Variants in TMEM109 observed in about 807,000 individuals in gnomAD.
TMEM109 encodes the protein transmembrane protein 109, also known as voltage-gated monoatomic cation channel TMEM109.
Under a neutral mutation model 26.4 loss-of-function variants are expected in TMEM109, and 19 were observed. That is an observed-to-expected ratio of 0.72 (90% CI 0.50 to 1.06). The LOEUF (loss-of-function observed/expected upper bound fraction) is 1.06. TMEM109 is among the 50% of genes least tolerant of loss of function. The pLI is 0.00. For missense variants in TMEM109, 262 were observed against 303.4 expected (o/e 0.86, Z 1.01); for synonymous variants, 129 against 142.0 (o/e 0.91, Z 0.65).
chr11:60,915,594 G>C (rs1444337038), intron 1 of TMEM109, among the ~76,000 whole-genome samples: 5 of 152,224 alleles, frequency 3.3e-5, no homozygotes, highest in Non-Finnish European at 7.3e-5. Context: ...CCAAAGTTGA[G>C]AACCGCCGCT....
At position 60,916,705 on chromosome 11, in the gene TMEM109, G is replaced by A. The variant is rs958506654; in HGVS notation, c.-9+2437G>A. ...ACTTCAGAACATCAGTCTGCATAAC[G>A]ATGCCAGCCTCACTGCAGAGGGCTT... On this transcript the variant is annotated intron_variant, in intron 1 of 3. Coordinates refer to ENST00000227525, the MANE Select transcript of TMEM109 (RefSeq NM_024092.3). Among the ~76,000 whole-genome samples the A allele has an allele frequency of 7.9e-5, 12 of 152,308 alleles. 1 individual carries two copies. The Middle Eastern group carries it at 0.01, about 130-fold the overall frequency.
Position 60,922,125 on chromosome 11 carries a change from G to C in TMEM109, c.692G>C (p.Arg231Thr). The C allele has an allele frequency of 6.2e-7, 1 of 1,609,608 alleles. No individual in the cohort carries two copies. Among genetic ancestry groups the C allele is most frequent in the Non-Finnish European group, 8.5e-7 (1 of 1,178,280 alleles). Residue 231 changes from arginine to threonine, a missense_variant, in exon 4 of 4, where the codon AGG (arginine) becomes ACG (threonine). Transcript: ENST00000227525. ...GTGGAGGAGCTGCGCTGGCGCCAGAGGCGAGCGGCCAAGGGGGCCCGCAGT... is the reference window on the plus strand; with the variant it reads ...GTGGAGGAGCTGCGCTGGCGCCAGACGCGAGCGGCCAAGGGGGCCCGCAGT... ...RQVEELRWRQ[R>T]RAAKGARSVE...
At chr11:60,919,568 C>T in intron 1 of TMEM109, 118 bp from the exon 2 acceptor site, 2 of 816,076 alleles carry the variant, frequency 2.5e-6, no homozygotes, top group East Asian at 2.5e-5. Flanking sequence ...ACTTTCTTTC[C>T]AGGGTTAGTT....
chr11:60,921,721 T>C, intron 3 of TMEM109, 53 bp from the exon 4 acceptor site: 1 of 1,450,832 alleles, frequency 6.9e-7, no homozygotes, highest in East Asian at 2.3e-5. Flanking sequence ...TGCCCCGCTC[T>C]CCCCTCACCA....
In TMEM109 at chr11:60,919,677, T is replaced by C; in HGVS notation, c.-8-9T>C. 1 of 1,611,464 alleles carries C rather than the reference T, an allele frequency of 6.2e-7. No homozygotes were observed. On this transcript the variant is annotated splice_polypyrimidine_tract_variant and intron_variant, in intron 1 of 3. Transcript: ENST00000227525. Reference sequence around the variant, plus strand: ...TGGCACTCAGCTCACTGTGCTTCTCTCCTGGCAGACCCAGTCATGGCAGCC... The same window carrying C: ...TGGCACTCAGCTCACTGTGCTTCTCCCCTGGCAGACCCAGTCATGGCAGCC...
In TMEM109 at chr11:60,921,037, C is replaced by A. The variant is rs367872829; in HGVS notation, c.340+49C>A. The A allele has an allele frequency of 1.6e-5, 24 of 1,512,240 alleles. No individual in the cohort carries two copies. The African/African-American group carries it at 3.3e-4, about 21-fold the overall frequency. The allele number at this position is 1,512,240 out of a possible 1,614,324, so 93.7% of individuals were successfully genotyped here. On this transcript the variant is annotated intron_variant, in intron 3 of 3. Coordinates refer to ENST00000227525, the MANE Select transcript of TMEM109 (RefSeq NM_024092.3). ...TCAGCCAGAGCTTTGCCTGTACTTT[C>A]CTACTTGTGGGAGTTCATCTTTGTC...
At position 60,922,343 on chromosome 11, in the gene TMEM109, G is replaced by A; in HGVS notation, c.*178G>A. On this transcript the variant is annotated 3_prime_UTR_variant, in exon 4 of 4. Transcript: ENST00000227525. ...CAGAGAAAGACCATTCCCCCTGCCT[G>A]TCCTTGCGGCCCTGTCTTCTGAGGT... 3 of 1,535,312 alleles carry A rather than the reference G, an allele frequency of 2.0e-6. No homozygotes were observed. Among genetic ancestry groups the A allele is most frequent in the South Asian group, 2.4e-5 (2 of 83,208 alleles).
At position 60,919,058 on chromosome 11, in the gene TMEM109, A is replaced by G. The variant is rs188812274; in HGVS notation, c.-8-628A>G. ...AAATCCTGGCCTTTCTGTGTAGCCC[A>G]GTGACCATGGGAAAATGCTTAACTT... On this transcript the variant is annotated intron_variant, in intron 1 of 3. Transcript: ENST00000227525. 3.8e-3 allele frequency: 589 copies of G among 154,278 alleles called. 3 individuals carry two copies. The highest frequency in any genetic ancestry group is 0.014 in the Middle Eastern group (4 of 296). 9.6% of individuals were successfully genotyped at this position (154,278 alleles called of 1,614,324 possible).
intron 2 of TMEM109, among the ~76,000 whole-genome samples, chr11:60,920,198 G>GT (rs1469271802): frequency 2.0e-5 from 3 of 152,174 alleles, no homozygotes; most frequent in African/African-American, 7.2e-5. Flanking sequence ...ATAAGCCCAT[G>GT]TTACTGGGTG....
chr11:60,915,570 G>T (rs1298432113), intron 1 of TMEM109, among the ~76,000 whole-genome samples: 1 of 152,252 alleles, frequency 6.6e-6, no homozygotes, highest in African/African-American at 2.4e-5. Flanking sequence ...TGCACAGGCA[G>T]TTCCGATGGG....
chr11:60,921,790 G>C lies in TMEM109; in HGVS notation c.357G>C (p.Gln119His). ...ALGLAGDYLAQGLKLSPGQVQ... is the reference protein window; with the variant it reads ...ALGLAGDYLAHGLKLSPGQVQ... ...GGCTTCCAGGTGATTACCTCGCCCA[G>C]GGCCTGAAGCTCAGCCCTGGCCAGG... Residue 119 changes from glutamine (Q) to histidine (H), a missense_variant, in exon 4 of 4, where the codon CAG becomes CAC. Transcript: ENST00000227525. The C allele has an allele frequency of 6.2e-7, 1 of 1,611,496 alleles. No individual in the cohort carries two copies. The highest frequency in any genetic ancestry group is 8.5e-7 in the Non-Finnish European group (1 of 1,179,412).
At chr11:60,920,265 T>A (rs145547486) in intron 2 of TMEM109, among the ~76,000 whole-genome samples, 162 of 152,296 alleles carry the variant, frequency 1.1e-3, no homozygotes, top group Non-Finnish European at 1.4e-3. Flanking sequence ...TGGCAAAATA[T>A]CAAGTCCTGA....
chr11:60,922,282 A>C lies in TMEM109; in HGVS notation c.*117A>C, dbSNP rs1019427989. ...TGCCCTGTCTCTGAACCTTCAGAACATTGATCCTTGCCGCAGCCCCACTAG... is the reference window on the plus strand; with the variant it reads ...TGCCCTGTCTCTGAACCTTCAGAACCTTGATCCTTGCCGCAGCCCCACTAG... On this transcript the variant is annotated 3_prime_UTR_variant, in exon 4 of 4. Transcript: ENST00000227525. 1.9e-6 allele frequency: 3 copies of C among 1,543,810 alleles called. No individual in the cohort carries two copies. The highest frequency in any genetic ancestry group is 2.6e-6 in the Non-Finnish European group (3 of 1,146,782).
At chr11:60,916,860 C>T (rs568847396) in intron 1 of TMEM109, among the ~76,000 whole-genome samples, 4 of 152,282 alleles carry the variant, frequency 2.6e-5, no homozygotes, top group Non-Finnish European at 4.4e-5. Flanking sequence ...GCTGAGGAAA[C>T]GATATTTGAT....
intron 1 of TMEM109, among the ~76,000 whole-genome samples, chr11:60,918,187 G>A (rs973084519): frequency 2.0e-5 from 3 of 152,198 alleles, no homozygotes; most frequent in Admixed American, 6.5e-5. Context: ...GCAAGACCTA[G>A]CTGAATGTTA....
chr11:60,917,195 T>C (rs1161901371), intron 1 of TMEM109, among the ~76,000 whole-genome samples: 1 of 152,184 alleles, frequency 6.6e-6, no homozygotes, highest in East Asian at 1.9e-4. Context: ...TCCTAGACTC[T>C]CCTCCTTCCC....
rs1364005361 is a variant in TMEM109, at chr11:60,923,138, AG to A, written c.*975del. ...CACCCCGGCAGCCCGGGAGGAACAC[AG>A]GCAGCTCCTTTCCCTTCACGTGGTC... is the stretch of plus-strand genomic sequence containing the variant. On this transcript the variant is annotated 3_prime_UTR_variant, in exon 4 of 4. Coordinates refer to ENST00000227525, the MANE Select transcript of TMEM109 (RefSeq NM_024092.3). The A allele has an allele frequency of 6.6e-6, 1 of 152,622 alleles. No homozygotes were observed. Among genetic ancestry groups the A allele is most frequent in the Non-Finnish European group, 1.5e-5 (1 of 68,054 alleles). 9.5% of individuals were successfully genotyped at this position (152,622 alleles called of 1,614,324 possible). A position where few individuals can be genotyped will look rare whatever the true frequency, so the allele number is the denominator to read the frequency against.
chr11:60,919,723 G>A lies in TMEM109; in HGVS notation c.30G>A (p.Trp10Ter). Residue 10 changes from tryptophan (W) to a stop codon, truncating the protein, a stop_gained, in exon 2 of 4, where the codon TGG (tryptophan) becomes TGA (stop). Transcript: ENST00000227525. LOFTEE classifies it high-confidence loss of function. Reference protein sequence around the residue: MAASSISSPWGKHVFKAILM... With the variant: MAASSISSP ...CAGCCTCCAGCATCAGTTCACCATG[G>A]GGAAAGCATGTGTTCAAAGCCATTC... The A allele has an allele frequency of 6.2e-7, 1 of 1,614,140 alleles. No individual in the cohort carries two copies. Among genetic ancestry groups the A allele is most frequent in the Non-Finnish European group, 8.5e-7 (1 of 1,180,026 alleles).
chr11:60,922,304 C>G lies in TMEM109; in HGVS notation c.*139C>G, dbSNP rs1366841065. 1.3e-6 allele frequency: 2 copies of G among 1,539,884 alleles called. No homozygotes were observed. Among genetic ancestry groups the G allele is most frequent in the East Asian group, 2.4e-5 (1 of 40,928 alleles). On this transcript the variant is annotated 3_prime_UTR_variant, in exon 4 of 4. Transcript: ENST00000227525. ...AACATTGATCCTTGCCGCAGCCCCA[C>G]TAGCCAAGAGAAACAGAGAAAGACC...
Sources: gnomAD v4.1 joint callset for allele counts (sites outside exome capture counted in the v4.1 genomes callset) on GRCh38, gnomAD v4.1.1 for gene constraint, MANE v1.5 for transcripts, NCBI Gene and HGNC (gene_info 2026-07-23, HGNC 2026-07-21) for gene names.